EYA4: variants seen among roughly 807,000 people sequenced by gnomAD.
EYA4 encodes the protein EYA transcriptional coactivator and phosphatase 4.
In EYA4, 31 loss-of-function variants were observed where a neutral mutation model predicts 87.9. That is an observed-to-expected ratio of 0.35 (90% CI 0.27 to 0.48). The LOEUF is 0.48. Among genes scored for constraint, EYA4 ranks in the 20% least tolerant of loss-of-function variants. EYA4 has a pLI of 0.99. For synonymous variants in EYA4, 263 were observed against 270.6 expected (o/e 0.97, Z 0.28); for missense variants, 678 against 761.4 (o/e 0.89, Z 1.29).
At chr6:133,493,177 C>T (rs1401358080) in intron 13 of EYA4, among the ~76,000 whole-genome samples, 1 of 152,140 alleles carries the variant, frequency 6.6e-6, no homozygotes, top group Non-Finnish European at 1.5e-5. Flanking sequence ...GGAAAAATCA[C>T]ATTACCTGAC....
chr6:133,429,777 C>T (rs1791018648), intron 3 of EYA4, among the ~76,000 whole-genome samples: 1 of 152,128 alleles, frequency 6.6e-6, no homozygotes, highest in African/African-American at 2.4e-5. Context: ...TTTGACTTCT[C>T]ATCCATTGAA....
At chr6:133,335,494 T>A (rs1782296566) in intron 2 of EYA4, among the ~76,000 whole-genome samples, 1 of 152,192 alleles carries the variant, frequency 6.6e-6, no homozygotes, top group South Asian at 2.1e-4. Context: ...TCATGTTGCT[T>A]GCAATCAAGT....
intron 1 of EYA4, chr6:133,247,171 G>A (rs1229377457): frequency 1.3e-5 from 2 of 152,152 alleles, no homozygotes; most frequent in Non-Finnish European, 2.9e-5. Context: ...CTGAAGAAAC[G>A]TATTAAGTAA....
At chr6:133,499,908 C>T (rs765733724) in intron 13 of EYA4, among the ~76,000 whole-genome samples, 24 of 152,108 alleles carry the variant, frequency 1.6e-4, no homozygotes, top group South Asian at 8.3e-4. Context: ...TCTTGGAAAG[C>T]CAGAAGGTCA....
intron 2 of EYA4, among the ~76,000 whole-genome samples, chr6:133,368,903 TCCTC>T (rs1768828344): frequency 6.6e-6 from 1 of 152,110 alleles, no homozygotes; most frequent in South Asian, 2.1e-4. Context: ...CTTCATTCAA[TCCTC>T]CCTTGAAAAT....
chr6:133,302,935 A>C (rs566113835), intron 2 of EYA4, among the ~76,000 whole-genome samples: 2 of 152,200 alleles, frequency 1.3e-5, no homozygotes, highest in Admixed American at 1.3e-4. Flanking sequence ...TAAATATTTC[A>C]GGCTTCACGG....
chr6:133,483,087 C>A lies in EYA4; in HGVS notation c.1163C>A (p.Thr388Asn), dbSNP rs1796358802. Reference sequence around the variant, plus strand: ...ATCATTGTTTTTCACTCACTGCTCACCGGGTCTTATGCACAGAAGTATGGC... The same window carrying A: ...ATCATTGTTTTTCACTCACTGCTCAACGGGTCTTATGCACAGAAGTATGGC... ...ETIIVFHSLL[T>N]GSYAQKYGKD... is the part of the protein sequence containing the mutation. The change falls in exon 13 of 20, where the codon ACC (threonine) becomes AAC (asparagine). Residue 388 changes from threonine (T) to asparagine (N), a missense_variant. Coordinates refer to ENST00000355286, the MANE Select transcript of EYA4 (RefSeq NM_004100.5). 6.2e-7 allele frequency: 1 copy of A among 1,612,772 alleles called. No homozygotes were observed. Among genetic ancestry groups the A allele is most frequent in the Non-Finnish European group, 8.5e-7 (1 of 1,179,210 alleles).
At chr6:133,452,263 G>A (rs987176710) in intron 5 of EYA4, among the ~76,000 whole-genome samples, 1 of 152,096 alleles carries the variant, frequency 6.6e-6, no homozygotes, top group African/African-American at 2.4e-5. Context: ...AGTGTATGTG[G>A]AATTACATAT....
At chr6:133,395,912 G>A (rs1488911062) in intron 3 of EYA4, among the ~76,000 whole-genome samples, 1 of 152,154 alleles carries the variant, frequency 6.6e-6, no homozygotes, top group African/African-American at 2.4e-5. Context: ...AGTCTTGTTT[G>A]CATGATGAAT....
Position 133,531,014 on chromosome 6 carries a change from C to A in EYA4, c.*2209C>A, listed in dbSNP as rs950437826. 2 of 1,370,424 alleles carry A rather than the reference C, an allele frequency of 1.5e-6. No homozygotes were observed. Among genetic ancestry groups the A allele is most frequent in the Non-Finnish European group, 1.9e-6 (2 of 1,064,600 alleles). 84.9% of individuals were successfully genotyped at this position (1,370,424 alleles called of 1,614,324 possible). ...ATTATCTTTACTGTATAGCTGGTTT[C>A]TTTAAATGTTGATAGAATTGTGGCA... On this transcript the variant is annotated 3_prime_UTR_variant, in exon 20 of 20. Coordinates refer to ENST00000355286, the MANE Select transcript of EYA4 (RefSeq NM_004100.5).
chr6:133,294,190 G>A (rs1356795776), intron 2 of EYA4, among the ~76,000 whole-genome samples: 1 of 149,374 alleles, frequency 6.7e-6, no homozygotes, highest in African/African-American at 2.5e-5. Flanking sequence ...TTTTTCCCTG[G>A]CAAACTATTC....
intron 2 of EYA4, among the ~76,000 whole-genome samples, chr6:133,330,295 C>T (rs1781822335): frequency 6.6e-6 from 1 of 151,966 alleles, no homozygotes; most frequent in African/African-American, 2.4e-5. Context: ...CTGTGATTCT[C>T]CTATTTGTAT....
intron 14 of EYA4, 47 bp from the exon 15 acceptor site, chr6:133,512,670 GGTAA>G: frequency 7.1e-7 from 1 of 1,402,162 alleles, no homozygotes; most frequent in Non-Finnish European, 1.0e-6. Context: ...CTTCAAGCAT[GGTAA>G]CAAGCATCAT....
intron 3 of EYA4, among the ~76,000 whole-genome samples, chr6:133,422,769 C>T (rs1340149330): frequency 6.6e-6 from 1 of 151,960 alleles, no homozygotes; most frequent in Non-Finnish European, 1.5e-5. Flanking sequence ...GTAGAATATC[C>T]CTCTGCCTGC....
chr6:133,282,613 G>A (rs555368191), intron 2 of EYA4, among the ~76,000 whole-genome samples: 115 of 148,904 alleles, frequency 7.7e-4, no homozygotes, highest in African/African-American at 2.7e-3. Flanking sequence ...TATATATGGA[G>A]AGCCTCATAT....
At position 133,303,946 on chromosome 6, in the gene EYA4, C is replaced by T. The variant is rs115009385; in HGVS notation, c.33+29133C>T. 6.3e-3 allele frequency among the ~76,000 whole-genome samples: 956 copies of T among 152,130 alleles called. 5 individuals carry two copies. Among genetic ancestry groups the T allele is most frequent in the African/African-American group, 0.021 (884 of 41,500 alleles). The stretch of plus-strand genomic sequence containing the variant: ...GAAGGTGGAGGTGGAGTGGTGGGTA[C>T]AGGGGTCAGACAGGGAAGACTTGCC... On this transcript the variant is annotated intron_variant, in intron 2 of 19. Coordinates refer to ENST00000355286, the MANE Select transcript of EYA4 (RefSeq NM_004100.5).
At chr6:133,273,938 AAGAG>A (rs923859267) in intron 1 of EYA4, among the ~76,000 whole-genome samples, 1 of 151,864 alleles carries the variant, frequency 6.6e-6, no homozygotes, top group Non-Finnish European at 1.5e-5. Context: ...TGTGTTTTAA[AAGAG>A]AGAGCAAGAG....
Position 133,531,347 on chromosome 6 carries a change from T to C in EYA4, c.*2542T>C. The C allele has an allele frequency of 1.5e-6, 1 of 682,942 alleles. No individual in the cohort carries two copies. The highest frequency in any genetic ancestry group is 2.9e-5 in the East Asian group (1 of 34,570). 42.3% of individuals were successfully genotyped at this position (682,942 alleles called of 1,614,324 possible). ...TATGCACAAACTAGAACTCTTCCCT[T>C]CCCACCTTAGGAATAGAAAATCCTC... On this transcript the variant is annotated 3_prime_UTR_variant, in exon 20 of 20. Coordinates refer to ENST00000355286, the MANE Select transcript of EYA4 (RefSeq NM_004100.5).
rs140564938 is a variant in EYA4, at chr6:133,446,341, A to G, written c.84-289A>G. On this transcript the variant is annotated intron_variant, in intron 3 of 19. Coordinates refer to ENST00000355286, the MANE Select transcript of EYA4 (RefSeq NM_004100.5). The stretch of plus-strand genomic sequence containing the variant: ...GTGATAACATGTTTATTTTTGTGTT[A>G]GTAATAACATGTTTTCCATATTATG... Among the ~76,000 whole-genome samples, 21 of 152,270 alleles carry G rather than the reference A, an allele frequency of 1.4e-4. No individual in the cohort carries two copies. In the East Asian group the frequency reaches 4.1e-3, roughly 29 times the overall value.
Sources: allele counts gnomAD v4.1 joint callset (sites outside exome capture counted in the v4.1 genomes callset), GRCh38; gene constraint gnomAD v4.1.1; transcripts MANE v1.5; gene names NCBI Gene and HGNC (gene_info 2026-07-23, HGNC 2026-07-21).